Variants in COL13A1 observed in about 807,000 individuals in gnomAD.
The protein encoded by COL13A1 is collagen type XIII alpha 1 chain, also known as collagen alpha-1(XIII) chain.
Under a neutral mutation model 130.9 loss-of-function variants are expected in COL13A1, and 89 were observed. The observed-to-expected ratio is 0.68, with a 90% CI of 0.57 to 0.81. COL13A1 has a LOEUF of 0.81. Among genes scored for constraint, COL13A1 ranks in the 30% least tolerant of loss-of-function variants. COL13A1 has a pLI of 0.00. For missense variants in COL13A1, 879 were observed against 934.6 expected (o/e 0.94, Z 0.78); for synonymous variants, 402 against 341.6 (o/e 1.18, Z -1.95).
intron 39 of COL13A1, 44 bp from the exon 40 acceptor site, chr10:69,956,960 C>G (rs749049429): frequency 1.3e-6 from 2 of 1,564,498 alleles, no homozygotes; most frequent in Non-Finnish European, 1.8e-6. Context: ...CTTGGTGGAC[C>G]ATTGCAGGAA....
chr10:69,856,810 GT>G (rs1241477844), intron 2 of COL13A1, among the ~76,000 whole-genome samples: 2 of 152,176 alleles, frequency 1.3e-5, no homozygotes, highest in African/African-American at 4.8e-5. Context: ...ATATCTCTAG[GT>G]CCTGTGGGAG....
intron 2 of COL13A1, among the ~76,000 whole-genome samples, chr10:69,834,462 G>A (rs1849549066): frequency 6.6e-6 from 1 of 152,334 alleles, no homozygotes; most frequent in East Asian, 1.9e-4. Flanking sequence ...AGGCAATTAT[G>A]AGCCTCTGAG....
chr10:69,952,939 GCGCCTGGATTAGATGC>G lies in COL13A1; in HGVS notation c.2118_2133del (p.Gly708AlafsTer31). On this transcript the variant is annotated frameshift_variant, in exon 39 of 41. Transcript: ENST00000645393. LOFTEE classifies it high-confidence loss of function. ...TAAAGGGGATAAGGGAGACCAAGGA[GCGCCTGGATTAGATGC>G]CCCCTGCCCATTGGTATGTTTTTGT... 1 of 1,556,528 alleles carries G rather than the reference GCGCCTGGATTAGATGC, an allele frequency of 6.4e-7. No individual in the cohort carries two copies. Among genetic ancestry groups the G allele is most frequent in the African/African-American group, 1.4e-5 (1 of 71,132 alleles).
chr10:69,925,899 A>C, intron 26 of COL13A1, 27 bp downstream of exon 26: 1 of 1,555,582 alleles, frequency 6.4e-7, no homozygotes, highest in Non-Finnish European at 8.7e-7. Context: ...CCAGAGGCCA[A>C]GATCCTCATG....
chr10:69,957,322 T>C (rs1224846312), intron 40 of COL13A1, among the ~76,000 whole-genome samples: 1 of 152,214 alleles, frequency 6.6e-6, no homozygotes, highest in African/African-American at 2.4e-5. Flanking sequence ...ATAGTGTCTT[T>C]CCCCCAAGGA....
chr10:69,952,992 A>G (rs758562299), intron 39 of COL13A1, 24 bp downstream of exon 39: 5 of 1,485,642 alleles, frequency 3.4e-6, no homozygotes, highest in African/African-American at 2.9e-5. Flanking sequence ...TATCACTTGC[A>G]TTGTTCTGGT....
chr10:69,958,515 C>G (rs529522635), intron 40 of COL13A1, among the ~76,000 whole-genome samples, 184 bp from the exon 41 acceptor site: 1 of 152,186 alleles, frequency 6.6e-6, no homozygotes, highest in Non-Finnish European at 1.5e-5. Flanking sequence ...AACTTGGTTT[C>G]CTCCCTTCAG....
intron 4 of COL13A1, among the ~76,000 whole-genome samples, chr10:69,872,854 T>C (rs574703965): frequency 6.6e-6 from 1 of 152,348 alleles, no homozygotes; most frequent in South Asian, 2.1e-4. Flanking sequence ...TAAAATAGTT[T>C]GTCCATCTGT....
At chr10:69,953,010 C>A in intron 39 of COL13A1, 42 bp downstream of exon 39, 1 of 1,416,922 alleles carries the variant, frequency 7.1e-7, no homozygotes, top group South Asian at 1.6e-5. Flanking sequence ...GGTTTTTGTT[C>A]TTGAGGTTTG....
At chr10:69,908,336 T>C (rs573962993) in intron 17 of COL13A1, among the ~76,000 whole-genome samples, 12 of 152,276 alleles carry the variant, frequency 7.9e-5, no homozygotes, top group African/African-American at 2.4e-4. Flanking sequence ...AAGACATTTG[T>C]ATTGTATCAG....
At chr10:69,850,597 GT>G (rs1320774923) in intron 2 of COL13A1, among the ~76,000 whole-genome samples, 1 of 151,592 alleles carries the variant, frequency 6.6e-6, no homozygotes, top group African/African-American at 2.4e-5. Flanking sequence ...TCTTAGTGCT[GT>G]CTTTTACCAA....
At chr10:69,889,106 C>A (rs900357377) in intron 9 of COL13A1, among the ~76,000 whole-genome samples, 1 of 152,230 alleles carries the variant, frequency 6.6e-6, no homozygotes, top group Non-Finnish European at 1.5e-5. Context: ...GACCAGGCAT[C>A]CCCCGAAGCT....
chr10:69,952,772 A>G, intron 38 of COL13A1, 110 bp from the exon 39 acceptor site: 1 of 758,796 alleles, frequency 1.3e-6, no homozygotes, highest in Non-Finnish European at 2.1e-6. Flanking sequence ...AATTTAAAGC[A>G]TCTCTTTTTC....
intron 2 of COL13A1, among the ~76,000 whole-genome samples, chr10:69,835,835 AC>A (rs1849910925): frequency 6.6e-6 from 1 of 152,112 alleles, no homozygotes. Flanking sequence ...AGTAATGATA[AC>A]AACAACATCT....
chr10:69,830,867 C>T (rs750871229), intron 2 of COL13A1, among the ~76,000 whole-genome samples: 1 of 152,140 alleles, frequency 6.6e-6, no homozygotes, highest in Non-Finnish European at 1.5e-5. Flanking sequence ...AAAAAAGAAA[C>T]CCCATTCCTT....
In COL13A1 at chr10:69,924,967, A is replaced by G; in HGVS notation, c.1289A>G (p.Glu430Gly). ...TCCAATTTTGTCATGCAACAGGGGG[A>G]GCGTGGAGCAGCTGGAGAACAGGGA... ...GPPGQPGDKG[E>G]RGAAGEQGPD... Residue 430 changes from glutamate to glycine, a missense_variant, in exon 25 of 41, where the codon GAG (glutamate) becomes GGG (glycine). By Grantham distance (98) the Glu-to-Gly change is moderately conservative. Around this residue, in one of 3 missense-constraint regions of COL13A1, gnomAD observed 715 missense variants for 721.0 expected, o/e 0.99. Coordinates refer to ENST00000645393, the MANE Select transcript of COL13A1 (RefSeq NM_001368882.1). 1 of 1,589,158 alleles carries G rather than the reference A, an allele frequency of 6.3e-7. No individual in the cohort carries two copies. The highest frequency in any genetic ancestry group is 1.8e-5 in the Admixed American group (1 of 56,280).
chr10:69,826,480 C>T (rs1403571818), intron 2 of COL13A1, among the ~76,000 whole-genome samples: 5 of 152,146 alleles, frequency 3.3e-5, no homozygotes, highest in African/African-American at 7.2e-5. Context: ...GCAAAGAGGA[C>T]GGATGAAAGC....
chr10:69,956,639 A>G (rs1187356560), intron 39 of COL13A1: 4 of 221,790 alleles, frequency 1.8e-5, no homozygotes, highest in Admixed American at 4.6e-5. Context: ...TGGAGGAGGA[A>G]ACTGAGGCCG....
chr10:69,955,028 A>G (rs553166022), intron 39 of COL13A1: 21 of 152,368 alleles, frequency 1.4e-4, no homozygotes, highest in Non-Finnish European at 2.5e-4. Context: ...GCTCTCCCCA[A>G]ATTTCCCCAA....
Sources: allele counts gnomAD v4.1 joint callset (sites outside exome capture counted in the v4.1 genomes callset), GRCh38; gene constraint gnomAD v4.1.1; regional missense constraint gnomAD v4.1.1; transcripts MANE v1.5; gene names NCBI Gene and HGNC (gene_info 2026-07-23, HGNC 2026-07-21).